MARCHF1: variants seen among roughly 807,000 people sequenced by gnomAD.
MARCHF1 encodes E3 ubiquitin-protein ligase MARCHF1.
MARCHF1 carries 40 observed loss-of-function variants against 54.2 expected under a neutral mutation model. The ratio of observed to expected loss-of-function variants is 0.74; its 90% confidence interval spans 0.57 to 0.96. The LOEUF (loss-of-function observed/expected upper bound fraction) is 0.96, where lower values mean the gene tolerates loss of function less well. MARCHF1 is among the 40% of genes least tolerant of loss of function. MARCHF1 has a pLI of 0.00. For missense variants in MARCHF1, 586 were observed against 656.5 expected, an observed-to-expected ratio of 0.89 and a Z score of 1.17; for synonymous variants, 236 against 236.3, an observed-to-expected ratio of 1.00 and a Z score of 0.01.
At chr4:164,167,953 C>A (rs559136806) in intron 1 of MARCHF1, among the ~76,000 whole-genome samples, 66 of 151,846 alleles carry the variant, frequency 4.3e-4, no homozygotes, top group African/African-American at 1.6e-3. Flanking sequence ...TTTTGTACAG[C>A]AAAGGAAATA....
chr4:164,143,290 G>A (rs2110872334), intron 1 of MARCHF1, among the ~76,000 whole-genome samples: 1 of 148,396 alleles, frequency 6.7e-6, no homozygotes, highest in Non-Finnish European at 1.5e-5. Flanking sequence ...TAGCAAGGCA[G>A]GCCAACGTTC....
At chr4:164,065,494 T>G (rs1560887629) in intron 2 of MARCHF1, among the ~76,000 whole-genome samples, 1 of 152,086 alleles carries the variant, frequency 6.6e-6, no homozygotes, top group Non-Finnish European at 1.5e-5. Context: ...ATCAACAGAG[T>G]ACACAGATGA....
intron 4 of MARCHF1, among the ~76,000 whole-genome samples, chr4:163,752,893 C>T (rs2110788065): frequency 6.6e-6 from 1 of 152,178 alleles, no homozygotes; most frequent in Middle Eastern, 3.4e-3. Context: ...TAGTACCCTG[C>T]TAGGGAAAAT....
intron 2 of MARCHF1, among the ~76,000 whole-genome samples, chr4:164,066,799 A>G (rs993623825): frequency 5.3e-5 from 8 of 152,206 alleles, no homozygotes; most frequent in African/African-American, 1.9e-4. Flanking sequence ...GTTCTCACTT[A>G]TAAGTAGGAG....
intron 3 of MARCHF1, among the ~76,000 whole-genome samples, chr4:163,967,121 G>T (rs1051270536): frequency 1.3e-5 from 2 of 152,086 alleles, no homozygotes; most frequent in African/African-American, 4.8e-5. Flanking sequence ...CTTGAAAGAA[G>T]AAATGTCTTT....
chr4:164,141,100 C>T (rs17044539), intron 1 of MARCHF1, among the ~76,000 whole-genome samples: 28,211 of 152,098 alleles, frequency 0.19, 4,101 homozygotes, highest in African/African-American at 0.39. Flanking sequence ...CTGACTTTAT[C>T]TTTAAGTGGA....
intron 1 of MARCHF1, among the ~76,000 whole-genome samples, chr4:164,113,505 C>A (rs1306494938): frequency 6.6e-6 from 1 of 151,912 alleles, no homozygotes; most frequent in Non-Finnish European, 1.5e-5. Context: ...AAGAAAGATG[C>A]ATATTTATGT....
chr4:164,114,598 T>A (rs958462340), intron 1 of MARCHF1, among the ~76,000 whole-genome samples: 30 of 151,672 alleles, frequency 2.0e-4, no homozygotes, highest in African/African-American at 7.2e-4. Flanking sequence ...AAGTATTATA[T>A]TATATTATGT....
intron 2 of MARCHF1, among the ~76,000 whole-genome samples, chr4:164,101,580 C>T (rs1241730252): frequency 7.7e-6 from 1 of 130,018 alleles, no homozygotes; most frequent in Non-Finnish European, 1.7e-5. Context: ...AACTAACAAA[C>T]AGAAAGGACA....
intron 1 of MARCHF1, among the ~76,000 whole-genome samples, chr4:164,211,295 T>TAC (rs1264143170): frequency 1.5e-5 from 2 of 133,062 alleles, no homozygotes; most frequent in African/African-American, 5.5e-5. Flanking sequence ...TATATATATA[T>TAC]ACCACATTGC....
intron 1 of MARCHF1, among the ~76,000 whole-genome samples, chr4:164,280,037 A>G (rs772287480): frequency 2.6e-5 from 4 of 151,782 alleles, no homozygotes; most frequent in African/African-American, 9.7e-5. Flanking sequence ...AGAATTATAT[A>G]TTTTTTTCAA....
At chr4:164,265,131 T>C (rs113923368) in intron 1 of MARCHF1, among the ~76,000 whole-genome samples, 6 of 152,222 alleles carry the variant, frequency 3.9e-5, no homozygotes, top group African/African-American at 1.4e-4. Context: ...GTGAATCTCA[T>C]TCATAATATA....
intron 1 of MARCHF1, among the ~76,000 whole-genome samples, chr4:164,239,588 A>T (rs1453057873): frequency 6.6e-6 from 1 of 152,136 alleles, no homozygotes; most frequent in African/African-American, 2.4e-5. Flanking sequence ...AGGGTGCACT[A>T]CAGTATGAGT....
At chr4:163,842,275 C>T (rs933646722) in intron 4 of MARCHF1, among the ~76,000 whole-genome samples, 1 of 151,816 alleles carries the variant, frequency 6.6e-6, no homozygotes, top group Non-Finnish European at 1.5e-5. Context: ...GATGTTTAAC[C>T]AAAATTCTAG....
intron 1 of MARCHF1, among the ~76,000 whole-genome samples, chr4:164,239,668 T>G (rs917587240): frequency 6.6e-6 from 1 of 152,170 alleles, no homozygotes; most frequent in African/African-American, 2.4e-5. Context: ...ATCTAAATGA[T>G]GGACCCATCA....
intron 4 of MARCHF1, among the ~76,000 whole-genome samples, chr4:163,818,294 C>T (rs1413420933): frequency 6.6e-6 from 1 of 151,836 alleles, no homozygotes; most frequent in Non-Finnish European, 1.5e-5. Context: ...GGTATACCTA[C>T]AGGATGTACA....
At chr4:164,173,568 C>T (rs953224892) in intron 1 of MARCHF1, among the ~76,000 whole-genome samples, 2 of 152,072 alleles carry the variant, frequency 1.3e-5, no homozygotes, top group Non-Finnish European at 2.9e-5. Context: ...GTGTTTGGGT[C>T]ATGGGGGTAA....
intron 2 of MARCHF1, among the ~76,000 whole-genome samples, chr4:164,103,971 G>A (rs377732120): frequency 1.4e-4 from 20 of 144,244 alleles, no homozygotes; most frequent in South Asian, 6.6e-4. Flanking sequence ...CTACCATCAG[G>A]GAATACTACA....
At chr4:164,221,569 C>A (rs1263174932) in intron 1 of MARCHF1, among the ~76,000 whole-genome samples, 1 of 151,838 alleles carries the variant, frequency 6.6e-6, no homozygotes, top group African/African-American at 2.4e-5. Flanking sequence ...AAAAATAAAC[C>A]TAACTGTAGT....
Sources: gnomAD v4.1 joint callset for allele counts (sites outside exome capture counted in the v4.1 genomes callset) on GRCh38, gnomAD v4.1.1 for gene constraint, MANE v1.5 for transcripts, NCBI Gene and HGNC (gene_info 2026-07-23, HGNC 2026-07-21) for gene names.